EEF1G: variants seen among roughly 807,000 people sequenced by gnomAD.
EEF1G encodes the protein elongation factor 1-gamma.
In EEF1G, 14 loss-of-function variants were observed where a neutral mutation model predicts 58.3. The observed-to-expected ratio is 0.24, with a 90% CI of 0.16 to 0.38. The LOEUF is 0.38. Ranked by LOEUF, EEF1G falls within the 10% of genes least tolerant of loss-of-function variation. The pLI is 1.00. For synonymous variants in EEF1G, 180 were observed against 206.8 expected (o/e 0.87, Z 1.11); for missense variants, 322 against 550.1 (o/e 0.59, Z 4.15).
chr11:62,559,863 T>A, intron 9 of EEF1G, 26 bp from the exon 10 acceptor site: 1 of 1,613,826 alleles, frequency 6.2e-7, no homozygotes, highest in Non-Finnish European at 8.5e-7. Context: ...CAGCATGTGG[T>A]CAAGTTATGA....
At chr11:62,572,277 A>G (rs549437905) in intron 2 of EEF1G, among the ~76,000 whole-genome samples, 1 of 152,266 alleles carries the variant, frequency 6.6e-6, no homozygotes, top group South Asian at 2.1e-4. Context: ...ACCTATCTCT[A>G]TAAACCCCTT....
Position 62,571,691 on chromosome 11 carries a change from G to A in EEF1G, c.236-9C>T, listed in dbSNP as rs752567230. On this transcript the variant is annotated splice_polypyrimidine_tract_variant and intron_variant, in intron 3 of 9. Coordinates refer to ENST00000329251, the MANE Select transcript of EEF1G (RefSeq NM_001404.5). The stretch of plus-strand genomic sequence containing the variant: ...CAGCTCCTCATTGCTCACTGCAGAG[G>A]CAGAACACGAAGGTCAGAACTCTGG... 9 of 1,583,820 alleles carry A rather than the reference G, an allele frequency of 5.7e-6. No homozygotes were observed. Among genetic ancestry groups the A allele is most frequent in the African/African-American group, 1.3e-5 (1 of 74,144 alleles).
chr11:62,566,887 G>C lies in EEF1G; in HGVS notation c.776C>G (p.Pro259Arg). The change falls in exon 7 of 10, where the codon CCT (proline) becomes CGT (arginine). Residue 259 changes from proline to arginine, a missense_variant. By Grantham distance (103) the Pro-to-Arg change is moderately radical. This residue lies in a region of EEF1G where 208 missense variants were observed against 323.7 expected (regional missense o/e 0.64). Transcript: ENST00000329251. The stretch of plus-strand genomic sequence containing the variant: ...CTCACATTCATCCATCTCCTCCTCA[G>C]GAGCAGGGGCAGCCGCCTTTTTCTC... Reference protein sequence around the residue: ...KEEKKAAAPAPEEEMDECEQA... With the variant: ...KEEKKAAAPAREEEMDECEQA... 1 of 1,613,616 alleles carries C rather than the reference G, an allele frequency of 6.2e-7. No individual in the cohort carries two copies.
chr11:62,565,613 C>T (rs1941546943), intron 7 of EEF1G, among the ~76,000 whole-genome samples: 1 of 152,170 alleles, frequency 6.6e-6, no homozygotes, highest in African/African-American at 2.4e-5. Context: ...AGTTACAACA[C>T]AATATGTAAT....
intron 7 of EEF1G, among the ~76,000 whole-genome samples, chr11:62,562,242 C>G (rs1043323173): frequency 1.4e-4 from 21 of 152,118 alleles, no homozygotes; most frequent in African/African-American, 5.1e-4. Context: ...CTTCCTAAAC[C>G]AAGGTATAAA....
At chr11:62,566,649 TA>T (rs1280848574) in intron 7 of EEF1G, among the ~76,000 whole-genome samples, 156 bp downstream of exon 7, 2 of 152,374 alleles carry the variant, frequency 1.3e-5, no homozygotes, top group East Asian at 3.9e-4. Context: ...AATTCCTGAT[TA>T]TCAGCCAGAA....
At chr11:62,572,873 G>C (rs1017692934) in intron 1 of EEF1G, 131 bp from the exon 2 acceptor site, 13 of 810,166 alleles carry the variant, frequency 1.6e-5, no homozygotes, top group Non-Finnish European at 2.3e-5. Context: ...GGTGAACCAA[G>C]TCCTTTAGTA....
intron 1 of EEF1G, 142 bp from the exon 2 acceptor site, chr11:62,572,884 C>T (rs1055199176): frequency 3.4e-5 from 24 of 699,582 alleles, no homozygotes; most frequent in African/African-American, 5.4e-5. Flanking sequence ...TCCTTTAGTA[C>T]TTGTCATATG....
intron 1 of EEF1G, chr11:62,573,090 G>C (rs967061153): frequency 5.8e-6 from 1 of 171,434 alleles, no homozygotes; most frequent in Non-Finnish European, 1.2e-5. Context: ...CCTTCCCGGA[G>C]CCCTCGCTTC....
At chr11:62,570,098 G>A (rs1372651317) in intron 5 of EEF1G, among the ~76,000 whole-genome samples, 1 of 142,060 alleles carries the variant, frequency 7.0e-6, no homozygotes, top group African/African-American at 2.6e-5. Flanking sequence ...TCTCGCTCTT[G>A]TCCCCCAGGC....
intron 7 of EEF1G, among the ~76,000 whole-genome samples, chr11:62,561,966 C>A (rs1941501823): frequency 6.6e-6 from 1 of 152,188 alleles, no homozygotes; most frequent in Non-Finnish European, 1.5e-5. Context: ...TTCAAAGGAG[C>A]CCAATTAACT....
intron 5 of EEF1G, 116 bp from the exon 6 acceptor site, chr11:62,567,644 T>C (rs1056234337): frequency 1.5e-5 from 15 of 1,011,286 alleles, no homozygotes; most frequent in South Asian, 1.5e-4. Context: ...TCAAACCCTA[T>C]AGACAATAGC....
chr11:62,562,488 T>C (rs1267625764), intron 7 of EEF1G, among the ~76,000 whole-genome samples: 2 of 152,106 alleles, frequency 1.3e-5, no homozygotes, highest in Non-Finnish European at 2.9e-5. Flanking sequence ...CTTTTTTTTG[T>C]TTTGTTTTTT....
chr11:62,560,311 T>C lies in EEF1G; in HGVS notation c.1001A>G (p.Gln334Arg). ...SEYRFPEELT[Q>R]TFMSCNLITG... The stretch of plus-strand genomic sequence containing the variant: ...GATGAGATTGCAGCTCATGAAGGTC[T>C]GAGTGAGTTCTTCAGGGAAGCGATA... The change falls in exon 8 of 10, where the codon CAG becomes CGG. Residue 334 changes from glutamine (Q) to arginine (R), a missense_variant. By Grantham distance (43) the Gln-to-Arg change is conservative. This residue lies in a region of EEF1G where 208 missense variants were observed against 323.7 expected (regional missense o/e 0.64). Transcript: ENST00000329251. The C allele has an allele frequency of 6.2e-7, 1 of 1,612,902 alleles. No individual in the cohort carries two copies. Among genetic ancestry groups the C allele is most frequent in the Non-Finnish European group, 8.5e-7 (1 of 1,179,360 alleles).
Position 62,567,478 on chromosome 11 carries a change from G to A in EEF1G, c.573C>T (p.Phe191=), listed in dbSNP as rs1941570919. The A allele has an allele frequency of 6.2e-7, 1 of 1,612,068 alleles. No individual in the cohort carries two copies. ...ACTGGGGCTGGTTAATGCAGGTGAG[G>A]AACCAGCGGTTGGTATTGGGAAAGG... The part of the protein sequence containing the change: ...RQAFPNTNRW[F]LTCINQPQFR... Residue 191 remains phenylalanine, a synonymous_variant, in exon 6 of 10, where the codon TTC becomes TTT. Coordinates refer to ENST00000329251, the MANE Select transcript of EEF1G (RefSeq NM_001404.5).
Position 62,567,028 on chromosome 11 carries a change from AG to A in EEF1G, c.653-19del. ...CTTTTTAGCTGGTGCAGAGGAAGGC[AG>A]GAAAGTGAACGAATGTTCTGCCTCT... On this transcript the variant is annotated intron_variant, in intron 6 of 9. Coordinates refer to ENST00000329251, the MANE Select transcript of EEF1G (RefSeq NM_001404.5). 1.2e-6 allele frequency: 2 copies of A among 1,613,032 alleles called. No individual in the cohort carries two copies. The highest frequency in any genetic ancestry group is 1.7e-6 in the Non-Finnish European group (2 of 1,179,260).
intron 1 of EEF1G, chr11:62,573,612 T>C (rs1459335942): frequency 7.6e-6 from 5 of 661,228 alleles, no homozygotes; most frequent in Non-Finnish European, 1.3e-5. Flanking sequence ...GGCATCTCTT[T>C]TCTCCTCTTC....
At position 62,572,603 on chromosome 11, in the gene EEF1G, C is replaced by A; in HGVS notation, c.152G>T (p.Arg51Leu). The A allele has an allele frequency of 6.2e-7, 1 of 1,611,982 alleles. No individual in the cohort carries two copies. The highest frequency in any genetic ancestry group is 8.5e-7 in the Non-Finnish European group (1 of 1,179,838). The change falls in exon 2 of 10, where the codon CGC becomes CTC. Residue 51 changes from arginine to leucine, a missense_variant. Coordinates refer to ENST00000329251, the MANE Select transcript of EEF1G (RefSeq NM_001404.5). Reference sequence around the variant, plus strand: ...ACTCACCTTGCCGGCAGGAAATTTGCGGAGAAATTCAGGGGTGCGGTTGGT... The same window carrying A: ...ACTCACCTTGCCGGCAGGAAATTTGAGGAGAAATTCAGGGGTGCGGTTGGT... The part of the protein sequence containing the change: ...GQTNRTPEFL[R>L]KFPAGKVPAF...
rs369754709 is a variant in EEF1G at position 62,562,401 on chromosome 11, G to A, written c.858-1947C>T. Among the ~76,000 whole-genome samples the A allele has an allele frequency of 2.6e-5, 4 of 152,264 alleles. No individual in the cohort carries two copies. In the East Asian group the frequency reaches 7.7e-4, roughly 29 times the overall value. On this transcript the variant is annotated intron_variant, in intron 7 of 9. Coordinates refer to ENST00000329251, the MANE Select transcript of EEF1G (RefSeq NM_001404.5). ...ACAACATGTGTGTGTATATATGTGTGTGTGTGCATATACATACACATATAT... is the reference window on the plus strand; with the variant it reads ...ACAACATGTGTGTGTATATATGTGTATGTGTGCATATACATACACATATAT...
Sources: allele counts gnomAD v4.1 joint callset (sites outside exome capture counted in the v4.1 genomes callset), GRCh38; gene constraint gnomAD v4.1.1; regional missense constraint gnomAD v4.1.1; transcripts MANE v1.5; gene names NCBI Gene and HGNC (gene_info 2026-07-23, HGNC 2026-07-21).